TBCE: variants seen among roughly 807,000 people sequenced by gnomAD.
TBCE encodes tubulin folding cofactor E, also known as tubulin-specific chaperone E.
TBCE carries 53 observed loss-of-function variants against 77.0 expected under a neutral mutation model. The observed-to-expected ratio is 0.69, with a 90% CI of 0.55 to 0.87. The LOEUF is 0.87. Ranked by LOEUF, TBCE falls within the 40% of genes least tolerant of loss-of-function variation. The probability of loss-of-function intolerance (pLI) is 0.00; values close to 1 mark genes in which losing one functional copy is unlikely to be tolerated. For synonymous variants in TBCE, 235 were observed against 241.3 expected (o/e 0.97, Z 0.24); for missense variants, 624 against 622.4 (o/e 1.00, Z -0.03).
intron 2 of TBCE, among the ~76,000 whole-genome samples, chr1:235,381,367 T>C (rs1677626451): frequency 6.6e-6 from 1 of 152,020 alleles, no homozygotes; most frequent in African/African-American, 2.4e-5. Flanking sequence ...TTCCAAGTTT[T>C]ACTAAAGACA....
In TBCE at chr1:235,439,020, C is replaced by T. The variant is rs1299429545; in HGVS notation, c.1270+98C>T. ...AAAGAGGTTCTCAGTGTTGCTTTTG[C>T]CCTTCTTCCTTTCCTGGGCTTCTTG... is the stretch of plus-strand genomic sequence containing the variant. On this transcript the variant is annotated intron_variant, in intron 13 of 16. Transcript: ENST00000642610. The T allele has an allele frequency of 8.4e-6, 13 of 1,543,226 alleles. No individual in the cohort carries two copies. The East Asian group carries it at 2.7e-4, about 32-fold the overall frequency.
At chr1:235,390,095 C>T (rs1678285744) in intron 2 of TBCE, among the ~76,000 whole-genome samples, 1 of 151,176 alleles carries the variant, frequency 6.6e-6, no homozygotes, top group African/African-American at 2.4e-5. Flanking sequence ...CACTCCATTC[C>T]AGCCTGGGTG....
rs1373015622 is a variant in TBCE at position 235,385,122 on chromosome 1, C to T, written c.100+4973C>T. On this transcript the variant is annotated intron_variant, in intron 2 of 16. Transcript: ENST00000642610. The stretch of plus-strand genomic sequence containing the variant: ...GTTGTTCAGTTTCCATGTAGTTGAG[C>T]GGTTTTGAGTGAGTTTCTTAATCCT... Among the ~76,000 whole-genome samples the T allele has an allele frequency of 2.5e-4, 38 of 152,086 alleles. No homozygotes were observed. The South Asian group carries it at 4.6e-3, about 18-fold the overall frequency.
chr1:235,371,737 A>G (rs1558340394), intron 1 of TBCE, among the ~76,000 whole-genome samples: 2 of 151,910 alleles, frequency 1.3e-5, no homozygotes. Flanking sequence ...CAATGGCACG[A>G]TCTCGGCTCA....
At chr1:235,390,051 G>A (rs568360517) in intron 2 of TBCE, among the ~76,000 whole-genome samples, 3 of 151,942 alleles carry the variant, frequency 2.0e-5, no homozygotes, top group South Asian at 4.2e-4. Context: ...GCTTGAACAC[G>A]GGAGGAAGAG....
Position 235,451,659 on chromosome 1 carries a change from T to A in TBCE, c.*2897T>A, listed in dbSNP as rs1056064401. On this transcript the variant is annotated 3_prime_UTR_variant, in exon 17 of 17. Coordinates refer to ENST00000642610, the MANE Select transcript of TBCE (RefSeq NM_003193.5). ...GGAATCAGACTATCAAAGTGGACCA[T>A]GTAGATGTGGGTTGATTTCTTGTCC... The A allele has an allele frequency of 1.3e-5, 2 of 152,068 alleles. No homozygotes were observed. Among genetic ancestry groups the A allele is most frequent in the Non-Finnish European group, 2.9e-5 (2 of 67,994 alleles). The allele number at this position is 152,068 out of a possible 1,614,324, so 9.4% of individuals were successfully genotyped here. A position where few individuals can be genotyped will look rare whatever the true frequency, so the allele number is the denominator to read the frequency against.
chr1:235,451,468 G>C lies in TBCE; in HGVS notation c.*2706G>C, dbSNP rs1682892650. 1 of 117,718 alleles carries C rather than the reference G, an allele frequency of 8.5e-6. No homozygotes were observed. Among genetic ancestry groups the C allele is most frequent in the Non-Finnish European group, 1.7e-5 (1 of 58,066 alleles). 7.3% of individuals were successfully genotyped at this position (117,718 alleles called of 1,614,324 possible). ...ACTCAGTTTCCAAAGACATGAGATGGTCACAAAAAAAAAAAAAAAAAAAAG... is the reference window on the plus strand; with the variant it reads ...ACTCAGTTTCCAAAGACATGAGATGCTCACAAAAAAAAAAAAAAAAAAAAG... On this transcript the variant is annotated 3_prime_UTR_variant, in exon 17 of 17. Coordinates refer to ENST00000642610, the MANE Select transcript of TBCE (RefSeq NM_003193.5).
At chr1:235,368,734 T>G (rs1676720071) in intron 1 of TBCE, among the ~76,000 whole-genome samples, 2 of 151,576 alleles carry the variant, frequency 1.3e-5, no homozygotes, top group East Asian at 3.9e-4. Context: ...ATTTTTTTTT[T>G]TTTGTATTTG....
intron 2 of TBCE, among the ~76,000 whole-genome samples, chr1:235,384,757 A>G (rs1300793138): frequency 6.6e-6 from 1 of 152,044 alleles, no homozygotes; most frequent in Non-Finnish European, 1.5e-5. Flanking sequence ...TGATCCTTTC[A>G]AAAAACCAGC....
At chr1:235,442,396 C>T (rs900377296) in intron 14 of TBCE, among the ~76,000 whole-genome samples, 12 of 152,208 alleles carry the variant, frequency 7.9e-5, no homozygotes, top group Non-Finnish European at 7.3e-5. Flanking sequence ...TCTCAAACTC[C>T]TGACCTCAGG....
intron 6 of TBCE, among the ~76,000 whole-genome samples, chr1:235,428,559 A>G (rs1234391787): frequency 6.6e-6 from 1 of 152,144 alleles, no homozygotes; most frequent in Admixed American, 6.6e-5. Flanking sequence ...AGACATTTTT[A>G]TACAGCCAGA....
At chr1:235,420,503 A>G (rs1392356440) in intron 5 of TBCE, among the ~76,000 whole-genome samples, 4 of 59,852 alleles carry the variant, frequency 6.7e-5, no homozygotes, top group Admixed American at 2.1e-4. Context: ...TTTTTTTTTG[A>G]GACGGAGTCT....
rs766294077 is a variant in TBCE, at chr1:235,450,162, C to T, written c.*1400C>T. The T allele has an allele frequency of 9.9e-6, 16 of 1,609,556 alleles. No homozygotes were observed. In the Admixed American group the frequency reaches 1.5e-4, roughly 15 times the overall value. On this transcript the variant is annotated 3_prime_UTR_variant, in exon 17 of 17. Transcript: ENST00000642610. The stretch of plus-strand genomic sequence containing the variant: ...CTCCTCAGACTTGCACTCAGATTAT[C>T]GTTTGCCTGCCCTGATTTTAGACTC...
At chr1:235,386,112 A>C (rs1394430784) in intron 2 of TBCE, among the ~76,000 whole-genome samples, 2 of 152,144 alleles carry the variant, frequency 1.3e-5, no homozygotes, top group African/African-American at 4.8e-5. Flanking sequence ...CTGGGTTGAA[A>C]ATTCTTTTCT....
intron 5 of TBCE, among the ~76,000 whole-genome samples, chr1:235,422,235 T>G (rs1680436871): frequency 6.6e-6 from 1 of 152,160 alleles, no homozygotes; most frequent in African/African-American, 2.4e-5. Context: ...AATCGGGCTG[T>G]GTACAGTGGC....
chr1:235,427,351 C>T (rs1044845453), intron 6 of TBCE, 112 bp downstream of exon 6: 1 of 777,646 alleles, frequency 1.3e-6, no homozygotes, highest in African/African-American at 1.7e-5. Context: ...AAGGCTGCCA[C>T]CTGATGATAC....
intron 5 of TBCE, among the ~76,000 whole-genome samples, chr1:235,421,707 C>CA (rs200460972): frequency 2.0e-4 from 30 of 149,754 alleles, no homozygotes; most frequent in African/African-American, 6.4e-4. Flanking sequence ...GACTCTGTTT[C>CA]AAAAAAAAAG....
intron 8 of TBCE, among the ~76,000 whole-genome samples, chr1:235,435,301 A>G (rs1472261778): frequency 6.6e-6 from 1 of 152,226 alleles, no homozygotes; most frequent in Non-Finnish European, 1.5e-5. Context: ...GGGTTTCACC[A>G]TGTTGGCCCG....
At chr1:235,426,187 C>T (rs1409971647) in intron 5 of TBCE, among the ~76,000 whole-genome samples, 2 of 152,164 alleles carry the variant, frequency 1.3e-5, no homozygotes, top group Non-Finnish European at 2.9e-5. Context: ...TAAGCTGTGC[C>T]CCTTCCTGAT....
Sources: gnomAD v4.1 joint callset for allele counts (sites outside exome capture counted in the v4.1 genomes callset) on GRCh38, gnomAD v4.1.1 for gene constraint, MANE v1.5 for transcripts, NCBI Gene and HGNC (gene_info 2026-07-23, HGNC 2026-07-21) for gene names.